The following TTLL7 variants were observed in gnomAD, a reference collection of about 807,000 sequenced individuals.
The protein encoded by TTLL7 is tubulin polyglutamylase TTLL7.
TTLL7 carries 53 observed loss-of-function variants against 120.2 expected under a neutral mutation model. The ratio of observed to expected loss-of-function variants is 0.44; its 90% confidence interval spans 0.35 to 0.55. The LOEUF (loss-of-function observed/expected upper bound fraction) is 0.55, where lower values mean the gene tolerates loss of function less well. Among genes scored for constraint, TTLL7 ranks in the 20% least tolerant of loss-of-function variants. The probability of loss-of-function intolerance (pLI) is 0.00; values close to 1 mark genes in which losing one functional copy is unlikely to be tolerated. For missense variants in TTLL7, 803 were observed against 1,054.7 expected, an observed-to-expected ratio of 0.76 and a Z score of 3.31; for synonymous variants, 353 against 351.7, an observed-to-expected ratio of 1.00 and a Z score of -0.04.
chr1:83,992,791 C>CTTTTT (rs367737528), intron 1 of TTLL7, among the ~76,000 whole-genome samples: 45 of 101,444 alleles, frequency 4.4e-4, no homozygotes, highest in African/African-American at 1.1e-3. Flanking sequence ...TATTCAAGTT[C>CTTTTT]TTTTTTTTTT....
chr1:83,952,002 A>G (rs756234988), intron 2 of TTLL7, 26 bp from the exon 3 acceptor site: 4 of 1,595,080 alleles, frequency 2.5e-6, no homozygotes, highest in Non-Finnish European at 3.4e-6. Flanking sequence ...AAATAATCAG[A>G]TAACACTGAA....
Position 83,948,271 on chromosome 1 carries a change from C to G in TTLL7, c.347+357G>C, listed in dbSNP as rs182957232. ...AATTTGACTGAAAATAAACAAGTATCTCTTAAATGACATATACAGATAACC... is the reference window on the plus strand; with the variant it reads ...AATTTGACTGAAAATAAACAAGTATGTCTTAAATGACATATACAGATAACC... On this transcript the variant is annotated intron_variant, in intron 5 of 20. Transcript: ENST00000260505. Among the ~76,000 whole-genome samples, 14 of 152,052 alleles carry G rather than the reference C, an allele frequency of 9.2e-5. No individual in the cohort carries two copies. The East Asian group carries it at 9.6e-4, about 10-fold the overall frequency.
chr1:83,935,794 G>A (rs570072236), intron 8 of TTLL7, among the ~76,000 whole-genome samples: 13 of 152,066 alleles, frequency 8.5e-5, no homozygotes, highest in African/African-American at 2.9e-4. Flanking sequence ...TCTCCACCTC[G>A]TCCTGTCATT....
intron 1 of TTLL7, among the ~76,000 whole-genome samples, chr1:83,957,067 A>G (rs1649595629): frequency 6.6e-6 from 1 of 152,226 alleles, no homozygotes; most frequent in African/African-American, 2.4e-5. Flanking sequence ...GCACTGAACA[A>G]GGAGTCAAAT....
At chr1:83,889,705 C>A (rs1655281557) in intron 19 of TTLL7, among the ~76,000 whole-genome samples, 1 of 151,960 alleles carries the variant, frequency 6.6e-6, no homozygotes, top group Admixed American at 6.6e-5. Context: ...AATATTAGCA[C>A]AAAAGTAAGT....
At position 83,921,195 on chromosome 1, in the gene TTLL7, A is replaced by T. The variant is rs550300749; in HGVS notation, c.1291-35T>A. 5 of 1,609,360 alleles carry T rather than the reference A, an allele frequency of 3.1e-6. No homozygotes were observed. The African/African-American group carries it at 6.7e-5, about 22-fold the overall frequency. On this transcript the variant is annotated intron_variant, in intron 11 of 20. Coordinates refer to ENST00000260505, the MANE Select transcript of TTLL7 (RefSeq NM_024686.6). ...AGAAAAATTTTACAAATAAAATCCA[A>T]CAAGTGAATTATGCAATTTAAATTG...
chr1:83,998,821 A>C, intron 1 of TTLL7, 110 bp downstream of exon 1: 1 of 322,820 alleles, frequency 3.1e-6, no homozygotes, highest in African/African-American at 2.3e-5. Flanking sequence ...GTGTCCCCAG[A>C]GCAGTGACAG....
At chr1:83,971,430 G>C (rs1650963815) in intron 1 of TTLL7, among the ~76,000 whole-genome samples, 1 of 152,124 alleles carries the variant, frequency 6.6e-6, no homozygotes, top group South Asian at 2.1e-4. Context: ...GGCACAGCAA[G>C]TACACTATAG....
chr1:83,978,587 G>C (rs1279105261), intron 1 of TTLL7, among the ~76,000 whole-genome samples: 1 of 152,040 alleles, frequency 6.6e-6, no homozygotes, highest in Non-Finnish European at 1.5e-5. Context: ...TTTAAAATAG[G>C]TGGCAAAAAT....
intron 1 of TTLL7, among the ~76,000 whole-genome samples, chr1:83,985,425 G>T (rs1159065931): frequency 6.6e-6 from 1 of 152,112 alleles, no homozygotes; most frequent in Non-Finnish European, 1.5e-5. Flanking sequence ...AATGAGGGTG[G>T]GTCTTCCTCT....
chr1:83,878,317 T>G (rs1286183132), intron 20 of TTLL7, among the ~76,000 whole-genome samples: 3 of 151,932 alleles, frequency 2.0e-5, no homozygotes, highest in African/African-American at 7.2e-5. Context: ...GTCTGTTAAT[T>G]TTGTTGTTAA....
rs1174217351 is a variant in TTLL7, at chr1:83,876,539, T to C, written c.2543+6424A>G. On this transcript the variant is annotated intron_variant, in intron 20 of 20. Transcript: ENST00000260505. ...CATTGAATTTACAGATGTAGGAAAT[T>C]ATTTGAGAAGAACTGACATATCAAT... Among the ~76,000 whole-genome samples the C allele has an allele frequency of 2.6e-5, 4 of 151,980 alleles. No individual in the cohort carries two copies. In the East Asian group the frequency reaches 7.7e-4, roughly 29 times the overall value.
intron 4 of TTLL7, 123 bp downstream of exon 4, chr1:83,949,742 G>T (rs938682240): frequency 4.8e-6 from 5 of 1,042,490 alleles, no homozygotes; most frequent in East Asian, 2.5e-5. Context: ...AACAAAACAG[G>T]CTATTCAGGT....
Position 83,929,150 on chromosome 1 carries a change from C to T in TTLL7, c.1128G>A (p.Lys376=). The T allele has an allele frequency of 6.2e-7, 1 of 1,610,716 alleles. No homozygotes were observed. Among genetic ancestry groups the T allele is most frequent in the South Asian group, 1.1e-5 (1 of 90,790 alleles). The part of the protein sequence containing the change: ...VKRGVLLNAL[K]LLNIRTSDKR... ...GAGTATTTTACCTTATGTTTAGTAG[C>T]TTCAACGCATTTAGCAGCACTCCCC... is the stretch of plus-strand genomic sequence containing the variant. The change falls in exon 10 of 21, where the codon AAG becomes AAA. Residue 376 remains lysine (K), a synonymous_variant. Transcript: ENST00000260505.
At chr1:83,954,733 T>G (rs1397758517) in intron 1 of TTLL7, among the ~76,000 whole-genome samples, 1 of 151,810 alleles carries the variant, frequency 6.6e-6, no homozygotes, top group Admixed American at 6.6e-5. Context: ...ACGATGACAA[T>G]GCAACAAATA....
chr1:83,968,756 A>G (rs931721664), intron 1 of TTLL7, among the ~76,000 whole-genome samples: 5 of 152,018 alleles, frequency 3.3e-5, no homozygotes, highest in Non-Finnish European at 5.9e-5. Context: ...CTAAATCTGT[A>G]TTATTGTCAA....
intron 10 of TTLL7, among the ~76,000 whole-genome samples, chr1:83,924,505 G>T (rs1658947201): frequency 6.6e-6 from 1 of 152,150 alleles, no homozygotes; most frequent in South Asian, 2.1e-4. Flanking sequence ...ATGAGATACT[G>T]AGAGTAGGAC....
At chr1:83,892,372 A>G (rs1416356120) in intron 18 of TTLL7, among the ~76,000 whole-genome samples, 2 of 122,828 alleles carry the variant, frequency 1.6e-5, no homozygotes, top group African/African-American at 3.1e-5. Context: ...ATATATACGA[A>G]TATATATGAA....
At chr1:83,899,802 C>T (rs1354164915) in intron 18 of TTLL7, among the ~76,000 whole-genome samples, 1 of 151,882 alleles carries the variant, frequency 6.6e-6, no homozygotes, top group Non-Finnish European at 1.5e-5. Flanking sequence ...AAAGCTCCTC[C>T]CCTCACATTA....
Sources: gnomAD v4.1 joint callset for allele counts (sites outside exome capture counted in the v4.1 genomes callset) on GRCh38, gnomAD v4.1.1 for gene constraint, MANE v1.5 for transcripts, NCBI Gene and HGNC (gene_info 2026-07-23, HGNC 2026-07-21) for gene names.